Variants in HTR4 observed in about 807,000 individuals in gnomAD.
HTR4 encodes the protein 5-hydroxytryptamine (serotonin) receptor 4, G protein-coupled.
In HTR4, 16 loss-of-function variants were observed where a neutral mutation model predicts 36.8. The ratio of observed to expected loss-of-function variants is 0.43; its 90% CI spans 0.29 to 0.66. The LOEUF (loss-of-function observed/expected upper bound fraction) is 0.66. Among genes scored for constraint, HTR4 ranks in the 30% least tolerant of loss-of-function variants. The pLI is 0.13. For synonymous variants in HTR4, 189 were observed against 185.1 expected, an observed-to-expected ratio of 1.02 and a Z score of -0.17; for missense variants, 438 against 490.9, an observed-to-expected ratio of 0.89 and a Z score of 1.02.
chr5:148,604,826 TA>T (rs764652381), intron 2 of HTR4, among the ~76,000 whole-genome samples: 3 of 152,160 alleles, frequency 2.0e-5, no homozygotes, highest in African/African-American at 2.4e-5. Flanking sequence ...AGGGTAGAGG[TA>T]GGGACTAAGC....
chr5:148,599,626 G>C (rs1279822967), intron 2 of HTR4, among the ~76,000 whole-genome samples: 1 of 151,944 alleles, frequency 6.6e-6, no homozygotes, highest in Non-Finnish European at 1.5e-5. Flanking sequence ...TAAATTTTAA[G>C]AGTTCTCTTT....
chr5:148,526,251 C>T (rs1758271511), intron 4 of HTR4, among the ~76,000 whole-genome samples: 1 of 152,112 alleles, frequency 6.6e-6, no homozygotes, highest in Admixed American at 6.6e-5. Flanking sequence ...AAAAGTATAC[C>T]ACTTCACACA....
At chr5:148,580,985 G>T (rs528546064) in intron 2 of HTR4, among the ~76,000 whole-genome samples, 1 of 150,474 alleles carries the variant, frequency 6.6e-6, no homozygotes, top group Non-Finnish European at 1.5e-5. Flanking sequence ...ATTTTAAAGG[G>T]TTCCTGTTTC....
At chr5:148,637,385 G>T (rs1753582585) in intron 1 of HTR4, among the ~76,000 whole-genome samples, 1 of 152,130 alleles carries the variant, frequency 6.6e-6, no homozygotes, top group Admixed American at 6.5e-5. Flanking sequence ...AATTAGTGAA[G>T]ATAGGTAGCT....
At chr5:148,537,842 C>T (rs1758905035) in intron 4 of HTR4, among the ~76,000 whole-genome samples, 1 of 152,090 alleles carries the variant, frequency 6.6e-6, no homozygotes, top group Admixed American at 6.6e-5. Context: ...TGAAACTATT[C>T]CAAAAAATTG....
downstream of HTR4, among the ~76,000 whole-genome samples, chr5:148,472,999 A>T (rs754137171): frequency 6.6e-6 from 1 of 152,116 alleles, no homozygotes; most frequent in Non-Finnish European, 1.5e-5. Context: ...CCAGATGTAG[A>T]GGGAAAAAAG....
At chr5:148,519,521 T>C (rs1757914985) in intron 5 of HTR4, among the ~76,000 whole-genome samples, 1 of 152,166 alleles carries the variant, frequency 6.6e-6, no homozygotes, top group African/African-American at 2.4e-5. Flanking sequence ...GGTTTATATG[T>C]GTGGGTATAT....
intron 1 of HTR4, chr5:148,645,286 C>CTCTG (rs1263714791): frequency 6.6e-6 from 1 of 152,150 alleles, no homozygotes; most frequent in Non-Finnish European, 1.5e-5. Context: ...AACTACTCAA[C>CTCTG]TCTGCTGTGT....
chr5:148,460,418 G>A (rs753997222), intron 5 of HTR4, among the ~76,000 whole-genome samples: 3 of 151,970 alleles, frequency 2.0e-5, no homozygotes, highest in Non-Finnish European at 4.4e-5. Flanking sequence ...TACTTATAGA[G>A]GAGCAAAGAT....
chr5:148,453,573 G>T (rs1755025258), intron 5 of HTR4, among the ~76,000 whole-genome samples: 1 of 152,194 alleles, frequency 6.6e-6, no homozygotes, highest in Non-Finnish European at 1.5e-5. Flanking sequence ...AGGTCCTGAG[G>T]TTCGATCCTG....
Position 148,559,291 on chromosome 5 carries a change from C to T in HTR4, c.27-9029G>A, listed in dbSNP as rs78032734. On this transcript the variant is annotated intron_variant, in intron 2 of 6. Coordinates refer to ENST00000377888, the MANE Select transcript of HTR4 (RefSeq NM_000870.7). The stretch of plus-strand genomic sequence containing the variant: ...AAATTCTTAAGTCAAACCATCATGT[C>T]GGGGACCATCTGTAATTGTATGTGT... 3.0e-3 allele frequency among the ~76,000 whole-genome samples: 463 copies of T among 152,256 alleles called. 1 individual carries two copies. The highest frequency in any genetic ancestry group is 6.5e-3 in the African/African-American group (270 of 41,554).
downstream of HTR4, among the ~76,000 whole-genome samples, chr5:148,476,991 A>C (rs917862634): frequency 6.6e-6 from 1 of 152,186 alleles, no homozygotes; most frequent in African/African-American, 2.4e-5. Flanking sequence ...GCAAATCCGA[A>C]GAGTTGAGCA....
intron 4 of HTR4, 142 bp from the exon 5 acceptor site, chr5:148,523,488 C>T (rs1262391251): frequency 7.8e-6 from 4 of 510,164 alleles, no homozygotes; most frequent in Non-Finnish European, 6.5e-6. Flanking sequence ...GGAGAAGAGT[C>T]GGAGGGGAAG....
intron 5 of HTR4, among the ~76,000 whole-genome samples, chr5:148,465,695 T>A (rs888736394): frequency 6.6e-6 from 1 of 152,184 alleles, no homozygotes; most frequent in African/African-American, 2.4e-5. Context: ...ACTGAAACTA[T>A]ATTAATATGG....
intron 2 of HTR4, among the ~76,000 whole-genome samples, chr5:148,611,611 T>A: frequency 7.0e-6 from 1 of 142,120 alleles, no homozygotes; most frequent in African/African-American, 2.6e-5. Flanking sequence ...AGGAAGAAAC[T>A]GCATCAACTA....
intron 4 of HTR4, among the ~76,000 whole-genome samples, chr5:148,528,969 G>A (rs887406958): frequency 5.1e-4 from 73 of 143,658 alleles, no homozygotes; most frequent in African/African-American, 1.8e-3. Context: ...CAAGAATAAT[G>A]GCAAAAACCA....
intron 4 of HTR4, among the ~76,000 whole-genome samples, chr5:148,546,417 A>T (rs774557080): frequency 2.0e-5 from 3 of 152,218 alleles, no homozygotes; most frequent in Non-Finnish European, 4.4e-5. Flanking sequence ...AAAAGCTGGG[A>T]TTTGAACCCA....
intron 2 of HTR4, among the ~76,000 whole-genome samples, chr5:148,564,798 G>A (rs2910096): frequency 0.026 from 3,940 of 152,180 alleles, 91 homozygotes; most frequent in Middle Eastern, 0.048. Context: ...CATGTCCTGG[G>A]CACCGAAGTT....
chr5:148,503,597 T>C (rs1581391270), intron 6 of HTR4, among the ~76,000 whole-genome samples: 1 of 152,228 alleles, frequency 6.6e-6, no homozygotes. Flanking sequence ...ACGAGCAAAA[T>C]AACCAGCTAA....
Sources: allele counts gnomAD v4.1 joint callset (sites outside exome capture counted in the v4.1 genomes callset), GRCh38; gene constraint gnomAD v4.1.1; transcripts MANE v1.5; gene names NCBI Gene and HGNC (gene_info 2026-07-23, HGNC 2026-07-21).